The following RABGEF1 variants were observed in gnomAD, a reference collection of about 807,000 sequenced individuals.
RABGEF1 encodes rab5 GDP/GTP exchange factor.
In RABGEF1, 26 loss-of-function variants were observed where a neutral mutation model predicts 57.3. The ratio of observed to expected loss-of-function variants is 0.45; its 90% confidence interval spans 0.33 to 0.63. The LOEUF is 0.63. RABGEF1 is among the 20% of genes least tolerant of loss of function. The probability of loss-of-function intolerance (pLI) is 0.02; values close to 1 mark genes in which losing one functional copy is unlikely to be tolerated. For missense variants in RABGEF1, 464 were observed against 607.6 expected, an observed-to-expected ratio of 0.76 and a Z score of 2.48; for synonymous variants, 185 against 210.7, an observed-to-expected ratio of 0.88 and a Z score of 1.06.
chr7:66,698,515 C>T (rs560551795), intron 1 of RABGEF1, among the ~76,000 whole-genome samples: 1 of 152,306 alleles, frequency 6.6e-6, no homozygotes, highest in South Asian at 2.1e-4. Context: ...GAGCAGGAGC[C>T]CGGGTCTGGA....
At chr7:66,774,500 C>T (rs1319492986) in intron 2 of RABGEF1, among the ~76,000 whole-genome samples, 2 of 152,244 alleles carry the variant, frequency 1.3e-5, no homozygotes, top group Non-Finnish European at 2.9e-5. Context: ...GTTCATCACA[C>T]GCCCAGTGCT....
intron 1 of RABGEF1, among the ~76,000 whole-genome samples, chr7:66,757,889 G>C (rs549107710): frequency 1.3e-5 from 2 of 152,302 alleles, no homozygotes; most frequent in South Asian, 4.1e-4. Context: ...GGGATTACAG[G>C]CGTGAGCCAC....
upstream of RABGEF1, among the ~76,000 whole-genome samples, chr7:66,678,348 G>A (rs1175989893): frequency 6.6e-6 from 1 of 151,880 alleles, no homozygotes; most frequent in Admixed American, 6.6e-5. Context: ...GGCGGATCAC[G>A]AGGTCAGGAG....
At chr7:66,757,515 G>A (rs1240520676) in intron 1 of RABGEF1, among the ~76,000 whole-genome samples, 2 of 152,166 alleles carry the variant, frequency 1.3e-5, no homozygotes, top group African/African-American at 2.4e-5. Flanking sequence ...AGTGCCTTTC[G>A]TGCAGTAATC....
intron 4 of RABGEF1, among the ~76,000 whole-genome samples, chr7:66,786,032 C>T (rs1811114401): frequency 6.6e-6 from 1 of 152,152 alleles, no homozygotes; most frequent in Non-Finnish European, 1.5e-5. Flanking sequence ...CCCAGTCAGC[C>T]TTGCCATAAA....
chr7:66,781,029 T>G (rs188104401), intron 3 of RABGEF1, among the ~76,000 whole-genome samples: 1 of 152,306 alleles, frequency 6.6e-6, no homozygotes, highest in East Asian at 1.9e-4. Flanking sequence ...ATAGCACGTA[T>G]ATTTAATGTG....
intron 1 of RABGEF1, among the ~76,000 whole-genome samples, chr7:66,701,150 G>A (rs1430270194): frequency 1.3e-5 from 2 of 152,158 alleles, no homozygotes; most frequent in African/African-American, 4.8e-5. Flanking sequence ...GGGTAGACAG[G>A]CACTGCCATC....
chr7:66,760,907 G>C (rs1419399350), intron 1 of RABGEF1, among the ~76,000 whole-genome samples: 1 of 152,162 alleles, frequency 6.6e-6, no homozygotes, highest in Non-Finnish European at 1.5e-5. Context: ...GGGATTGTAG[G>C]CGTGAACCAT....
At chr7:66,735,886 T>C (rs1022645650), upstream of RABGEF1, among the ~76,000 whole-genome samples, 9 of 152,152 alleles carry the variant, frequency 5.9e-5, no homozygotes, top group African/African-American at 2.2e-4. Flanking sequence ...AACAAACGAA[T>C]ACAGAGGCCT....
intron 6 of RABGEF1, among the ~76,000 whole-genome samples, chr7:66,798,203 C>T (rs1329715467): frequency 6.6e-6 from 1 of 152,210 alleles, no homozygotes; most frequent in Non-Finnish European, 1.5e-5. Flanking sequence ...ACATCTTTCA[C>T]TGGCATTGGA....
chr7:66,707,580 C>T (rs534617341), intron 1 of RABGEF1, among the ~76,000 whole-genome samples: 6 of 152,084 alleles, frequency 3.9e-5, no homozygotes, highest in African/African-American at 9.6e-5. Context: ...CCCAGCTACT[C>T]GGGAGGCTGA....
chr7:66,672,205 A>C, the RABGEF1 span, among the ~76,000 whole-genome samples: 1 of 151,568 alleles, frequency 6.6e-6, no homozygotes, highest in Non-Finnish European at 1.5e-5. Flanking sequence ...GGCGGATCAC[A>C]AGGTCAAGAG....
the RABGEF1 span, among the ~76,000 whole-genome samples, chr7:66,668,193 A>T: frequency 6.6e-6 from 1 of 152,126 alleles, no homozygotes; most frequent in Non-Finnish European, 1.5e-5. Context: ...GAACTCCTGG[A>T]CTCAAGTAAT....
intron 1 of RABGEF1, among the ~76,000 whole-genome samples, chr7:66,705,930 T>C (rs1176747615): frequency 1.6e-5 from 2 of 125,590 alleles, no homozygotes; most frequent in African/African-American, 2.9e-5. Context: ...GAGTCTCGCT[T>C]TGTCGCCCAG....
At chr7:66,771,821 T>TG in intron 1 of RABGEF1, 62 bp from the exon 2 acceptor site, 1 of 1,234,770 alleles carries the variant, frequency 8.1e-7, no homozygotes, top group Admixed American at 3.1e-5. Flanking sequence ...TGTTCATAAT[T>TG]GGTAAGATTT....
At chr7:66,796,044 C>G (rs1363491584) in intron 5 of RABGEF1, among the ~76,000 whole-genome samples, 2 of 152,068 alleles carry the variant, frequency 1.3e-5, no homozygotes, top group Admixed American at 1.3e-4. Flanking sequence ...GGCCGAGGCA[C>G]AAGAATTGCT....
At chr7:66,770,240 T>G (rs1297328831) in intron 1 of RABGEF1, 7 of 152,208 alleles carry the variant, frequency 4.6e-5, no homozygotes. Context: ...CCCCAAGATA[T>G]AGGGCTTAAT....
At chr7:66,675,492 T>G in the RABGEF1 span, among the ~76,000 whole-genome samples, 17 of 152,148 alleles carry the variant, frequency 1.1e-4, no homozygotes, top group African/African-American at 4.1e-4. Context: ...TACTCAGTGG[T>G]GAAAGACTGG....
chr7:66,743,318 G>T (rs367869124), intron 1 of RABGEF1, among the ~76,000 whole-genome samples: 59 of 126,050 alleles, frequency 4.7e-4, no homozygotes, highest in African/African-American at 1.7e-3. Flanking sequence ...TCAAAAAAAA[G>T]AAAAAAATTT....
Sources: allele counts gnomAD v4.1 joint callset (sites outside exome capture counted in the v4.1 genomes callset), GRCh38; gene constraint gnomAD v4.1.1; transcripts MANE v1.5; gene names NCBI Gene and HGNC (gene_info 2026-07-23, HGNC 2026-07-21).